Variants in FBXL2 observed in about 807,000 individuals in gnomAD.
The protein encoded by FBXL2 is F-box/LRR-repeat protein 2.
A neutral mutation model predicts 69.2 loss-of-function variants in FBXL2; 38 were observed. The ratio of observed to expected loss-of-function variants is 0.55; its 90% CI spans 0.42 to 0.72. The LOEUF (loss-of-function observed/expected upper bound fraction) is 0.72. FBXL2 is among the 30% of genes least tolerant of loss of function. The pLI is 0.00. For synonymous variants in FBXL2, 192 were observed against 201.3 expected, an observed-to-expected ratio of 0.95 and a Z score of 0.39; for missense variants, 354 against 520.3, an observed-to-expected ratio of 0.68 and a Z score of 3.11.
chr3:33,409,448 C>A, the FBXL2 span: 1 of 1,614,096 alleles, frequency 6.2e-7, no homozygotes, highest in South Asian at 1.1e-5. Flanking sequence ...CTCTGTCTTA[C>A]CTTAAAAACT....
At chr3:33,337,390 G>A (rs1042114664) in intron 2 of FBXL2, among the ~76,000 whole-genome samples, 1 of 151,376 alleles carries the variant, frequency 6.6e-6, no homozygotes, top group African/African-American at 2.4e-5. Flanking sequence ...ATATGAATAG[G>A]TGCTCACAAT....
intron 2 of FBXL2, among the ~76,000 whole-genome samples, chr3:33,298,696 C>CAAAA (rs1158732530): frequency 2.1e-5 from 1 of 47,222 alleles, no homozygotes; most frequent in African/African-American, 7.9e-5. Flanking sequence ...AACTCTGTCT[C>CAAAA]AAAAAAAAAA....
chr3:33,295,962 A>G (rs1559500907), intron 1 of FBXL2, among the ~76,000 whole-genome samples: 1 of 152,146 alleles, frequency 6.6e-6, no homozygotes, highest in African/African-American at 2.4e-5. Flanking sequence ...GTTTGCATAC[A>G]AGTGCCTGCT....
rs1280593588 is a variant in FBXL2, at chr3:33,373,342, T to G, written c.442T>G (p.Leu148Val). 6.2e-7 allele frequency: 1 copy of G among 1,612,128 alleles called. No individual in the cohort carries two copies. Among genetic ancestry groups the G allele is most frequent in the Non-Finnish European group, 8.5e-7 (1 of 1,178,266 alleles). Residue 148 changes from leucine to valine, a missense_variant, in exon 7 of 15, where the codon TTG becomes GTG. Coordinates refer to ENST00000484457, the MANE Select transcript of FBXL2 (RefSeq NM_012157.5). Reference sequence around the variant, plus strand: ...CTGTGTGTCTATTACAAACAGCTCCTTGAAGGGGATCAGGTAAGAGTGCCC... The same window carrying G: ...CTGTGTGTCTATTACAAACAGCTCCGTGAAGGGGATCAGGTAAGAGTGCCC... ...TSCVSITNSS[L>V]KGISEGCRNL... is the part of the protein sequence containing the mutation.
intron 2 of FBXL2, among the ~76,000 whole-genome samples, chr3:33,299,286 C>T (rs1366178219): frequency 6.6e-6 from 1 of 152,136 alleles, no homozygotes; most frequent in African/African-American, 2.4e-5. Flanking sequence ...AGGTAATCCG[C>T]CCGCCTCGGC....
chr3:33,394,990 G>T (rs560123569), intron 12 of FBXL2, among the ~76,000 whole-genome samples: 9 of 152,156 alleles, frequency 5.9e-5, no homozygotes, highest in Admixed American at 5.9e-4. Context: ...GAAAAAGTTT[G>T]CTGATTATGG....
chr3:33,317,796 A>G (rs544157559), intron 2 of FBXL2, among the ~76,000 whole-genome samples: 10 of 152,292 alleles, frequency 6.6e-5, no homozygotes, highest in Admixed American at 3.3e-4. Context: ...TACATGTTGA[A>G]AATCCCTAAT....
chr3:33,410,269 C>G, the FBXL2 span, among the ~76,000 whole-genome samples: 1 of 152,224 alleles, frequency 6.6e-6, no homozygotes, highest in Non-Finnish European at 1.5e-5. Context: ...ACAGAGTTAA[C>G]AGCAAGACCT....
the FBXL2 span, among the ~76,000 whole-genome samples, chr3:33,422,146 T>C: frequency 2.6e-5 from 4 of 152,236 alleles, no homozygotes; most frequent in Non-Finnish European, 5.9e-5. Context: ...TTACTTTAAA[T>C]TAGCAAGCTT....
intron 1 of FBXL2, among the ~76,000 whole-genome samples, chr3:33,286,590 C>A (rs1294788693): frequency 6.6e-6 from 1 of 152,244 alleles, no homozygotes; most frequent in Non-Finnish European, 1.5e-5. Flanking sequence ...TTTAAGTCTG[C>A]AGAAGTTTCT....
rs538083586 is a variant in FBXL2, at chr3:33,368,636, C to T, written c.290+3917C>T. Among the ~76,000 whole-genome samples the T allele has an allele frequency of 2.6e-5, 4 of 151,788 alleles. No homozygotes were observed. In the East Asian group the frequency reaches 5.8e-4, roughly 22 times the overall value. On this transcript the variant is annotated intron_variant, in intron 5 of 14. Transcript: ENST00000484457. Reference sequence around the variant, plus strand: ...TTTAGATGGAGTCTTGCTCTGTCGCCCAGGCTGGAGTGCAGTGGAGTGCAG... The same window carrying T: ...TTTAGATGGAGTCTTGCTCTGTCGCTCAGGCTGGAGTGCAGTGGAGTGCAG...
At chr3:33,351,221 C>T (rs112198802) in intron 2 of FBXL2, among the ~76,000 whole-genome samples, 2,026 of 151,924 alleles carry the variant, frequency 0.013, 20 homozygotes, top group South Asian at 0.026. Flanking sequence ...GCCAAGATTG[C>T]GCCACTGCAC....
chr3:33,347,139 T>C (rs2040503229), intron 2 of FBXL2, among the ~76,000 whole-genome samples: 1 of 152,168 alleles, frequency 6.6e-6, no homozygotes, highest in South Asian at 2.1e-4. Context: ...TCCCAGCCTC[T>C]AGTAACCATT....
chr3:33,277,114 C>T (rs1008560593), upstream of FBXL2: 1 of 190,618 alleles, frequency 5.2e-6, no homozygotes, highest in Non-Finnish European at 1.1e-5. Context: ...TCGTTTTATC[C>T]TTTTAAATTC....
chr3:33,285,616 GATA>G (rs2034525969), intron 1 of FBXL2, among the ~76,000 whole-genome samples: 1 of 152,154 alleles, frequency 6.6e-6, no homozygotes. Flanking sequence ...TGTTCTCCTG[GATA>G]ATATCCTGTA....
the FBXL2 span, among the ~76,000 whole-genome samples, chr3:33,417,382 T>G: frequency 3.4e-5 from 5 of 148,152 alleles, no homozygotes; most frequent in African/African-American, 1.2e-4. Flanking sequence ...AACAGAATCA[T>G]ACAATATGTG....
At chr3:33,356,395 G>A (rs1020062671) in intron 2 of FBXL2, among the ~76,000 whole-genome samples, 1 of 152,156 alleles carries the variant, frequency 6.6e-6, no homozygotes, top group African/African-American at 2.4e-5. Context: ...TCTGTCGCCA[G>A]GCTGGAGTGC....
the FBXL2 span, chr3:33,409,401 A>G: frequency 6.2e-7 from 1 of 1,613,856 alleles, no homozygotes. Context: ...ACAGCTTTAC[A>G]GGCAAAACTG....
intron 2 of FBXL2, among the ~76,000 whole-genome samples, chr3:33,299,121 A>T (rs977939923): frequency 6.6e-6 from 1 of 151,538 alleles, no homozygotes; most frequent in Non-Finnish European, 1.5e-5. Context: ...GGCTCACCGC[A>T]TCTTCCGCCT....
Sources: allele counts gnomAD v4.1 joint callset (sites outside exome capture counted in the v4.1 genomes callset), GRCh38; gene constraint gnomAD v4.1.1; transcripts MANE v1.5; gene names NCBI Gene and HGNC (gene_info 2026-07-23, HGNC 2026-07-21).